Variants in PRKG1 observed in about 807,000 individuals in gnomAD.
The protein encoded by PRKG1 is cGMP-dependent protein kinase 1.
In PRKG1, 35 loss-of-function variants were observed where a neutral mutation model predicts 88.1. The ratio of observed to expected loss-of-function variants is 0.40; its 90% CI spans 0.30 to 0.53. The LOEUF (loss-of-function observed/expected upper bound fraction) is 0.53. PRKG1 is among the 20% of genes least tolerant of loss of function. The pLI is 0.59. For missense variants in PRKG1, 540 were observed against 839.8 expected (o/e 0.64, Z 4.41); for synonymous variants, 303 against 292.5 (o/e 1.04, Z -0.37).
chr10:51,707,896 G>A (rs74132569), intron 3 of PRKG1, among the ~76,000 whole-genome samples: 4,998 of 152,198 alleles, frequency 0.033, 256 homozygotes, highest in African/African-American at 0.11. Context: ...TCTAACTCTG[G>A]ATTCTTGAGT....
At chr10:51,127,070 A>T (rs1280472623) in intron 1 of PRKG1, among the ~76,000 whole-genome samples, 5 of 152,208 alleles carry the variant, frequency 3.3e-5, no homozygotes. Context: ...TTCATGATGA[A>T]AACGCCAAAA....
intron 7 of PRKG1, among the ~76,000 whole-genome samples, chr10:52,122,061 T>A (rs1020967372): frequency 2.6e-5 from 4 of 152,202 alleles, no homozygotes; most frequent in African/African-American, 7.2e-5. Context: ...AGAACAGAGA[T>A]TAACTTGTTA....
Position 51,554,864 on chromosome 10 carries a change from AT to A in PRKG1, c.592+87036del, listed in dbSNP as rs542351059. On this transcript the variant is annotated intron_variant, in intron 3 of 17. Coordinates refer to ENST00000373980, the MANE Select transcript of PRKG1 (RefSeq NM_006258.4). The stretch of plus-strand genomic sequence containing the variant: ...TACTTCACTGTAAAGCCTCAAAAAA[AT>A]TTTTTTTAATATAAGGCTAGAGATT... Among the ~76,000 whole-genome samples, 812 of 151,760 alleles carry A rather than the reference AT, an allele frequency of 5.4e-3. 9 individuals carry two copies. The highest frequency in any genetic ancestry group is 0.019 in the African/African-American group (776 of 41,432).
At chr10:51,327,693 A>G (rs896734013) in intron 2 of PRKG1, among the ~76,000 whole-genome samples, 2 of 152,202 alleles carry the variant, frequency 1.3e-5, no homozygotes, top group South Asian at 4.1e-4. Flanking sequence ...ACAAACCTGT[A>G]CAGTGTGTTA....
At chr10:51,181,124 G>A (rs1003175995) in intron 2 of PRKG1, among the ~76,000 whole-genome samples, 1 of 151,488 alleles carries the variant, frequency 6.6e-6, no homozygotes, top group Non-Finnish European at 1.5e-5. Flanking sequence ...GGCAAATATG[G>A]TCTCATCCCA....
intron 3 of PRKG1, among the ~76,000 whole-genome samples, chr10:51,614,058 C>T (rs919191101): frequency 1.3e-5 from 2 of 151,704 alleles, no homozygotes; most frequent in African/African-American, 4.8e-5. Context: ...CTTTTTTTGT[C>T]TAAATGATTT....
At chr10:51,462,061 A>G (rs1023691189) in intron 2 of PRKG1, among the ~76,000 whole-genome samples, 1 of 152,238 alleles carries the variant, frequency 6.6e-6, no homozygotes, top group Non-Finnish European at 1.5e-5. Flanking sequence ...TTCCTTTTGA[A>G]TCTAGCAACT....
chr10:51,416,645 C>T (rs888857477), intron 2 of PRKG1, among the ~76,000 whole-genome samples: 2 of 152,078 alleles, frequency 1.3e-5, no homozygotes, highest in African/African-American at 4.8e-5. Context: ...TAGCACAGTG[C>T]CAGGCAGATG....
chr10:52,169,026 G>A (rs1838580138), intron 9 of PRKG1, among the ~76,000 whole-genome samples: 1 of 152,174 alleles, frequency 6.6e-6, no homozygotes, highest in Admixed American at 6.5e-5. Context: ...GATAGTAATT[G>A]TAGCTGTGGA....
At chr10:51,381,256 T>TAAAA (rs71029366) in intron 2 of PRKG1, among the ~76,000 whole-genome samples, 16 of 32,052 alleles carry the variant, frequency 5.0e-4, no homozygotes, top group African/African-American at 7.4e-4. Context: ...GCCTCCATCT[T>TAAAA]AAAAAAAAAA....
chr10:51,193,354 A>C (rs1436128223), intron 2 of PRKG1, among the ~76,000 whole-genome samples: 2 of 152,042 alleles, frequency 1.3e-5, no homozygotes, highest in Non-Finnish European at 2.9e-5. Flanking sequence ...TTCAGAGTCA[A>C]GAGTAGGGTC....
At chr10:51,700,403 C>T (rs1301194605) in intron 3 of PRKG1, among the ~76,000 whole-genome samples, 1 of 152,154 alleles carries the variant, frequency 6.6e-6, no homozygotes, top group Non-Finnish European at 1.5e-5. Flanking sequence ...TATTTTATGG[C>T]TTCAGAGTAT....
chr10:52,227,486 G>T (rs1840416332), intron 9 of PRKG1, among the ~76,000 whole-genome samples: 1 of 152,046 alleles, frequency 6.6e-6, no homozygotes, highest in Non-Finnish European at 1.5e-5. Flanking sequence ...CATTTACATT[G>T]TATCTGTTAT....
chr10:51,562,597 C>T (rs895001833), intron 3 of PRKG1, among the ~76,000 whole-genome samples: 1 of 152,072 alleles, frequency 6.6e-6, no homozygotes, highest in Admixed American at 6.6e-5. Flanking sequence ...ACACCTGGGG[C>T]ACCATCTGGA....
At chr10:51,881,342 C>T (rs1841433474) in intron 4 of PRKG1, among the ~76,000 whole-genome samples, 1 of 152,214 alleles carries the variant, frequency 6.6e-6, no homozygotes, top group South Asian at 2.1e-4. Context: ...TGTGCATTGG[C>T]TGTGCTCAGC....
chr10:52,116,777 G>A lies in PRKG1; in HGVS notation c.936-17063G>A, dbSNP rs139437041. Among the ~76,000 whole-genome samples the A allele has an allele frequency of 4.5e-3, 692 of 152,090 alleles. 5 individuals are homozygous for A. The highest frequency in any genetic ancestry group is 7.0e-3 in the Non-Finnish European group (476 of 67,960). On this transcript the variant is annotated intron_variant, in intron 7 of 17. Coordinates refer to ENST00000373980, the MANE Select transcript of PRKG1 (RefSeq NM_006258.4). Reference sequence around the variant, plus strand: ...TCAGACAGTGATCCAGGTTATTTTCGTGTATTTACTTTCTTATTCTTCCCA... The same window carrying A: ...TCAGACAGTGATCCAGGTTATTTTCATGTATTTACTTTCTTATTCTTCCCA...
At chr10:51,521,331 C>A (rs1487152237) in intron 3 of PRKG1, among the ~76,000 whole-genome samples, 1 of 152,140 alleles carries the variant, frequency 6.6e-6, no homozygotes, top group Non-Finnish European at 1.5e-5. Context: ...TTGTCCGACA[C>A]ATAGCAGTTA....
chr10:52,035,378 G>T (rs1399038528), intron 5 of PRKG1, among the ~76,000 whole-genome samples: 1 of 152,158 alleles, frequency 6.6e-6, no homozygotes, highest in Admixed American at 6.5e-5. Context: ...GGAACACTGA[G>T]AAGTTATTTC....
chr10:52,153,899 C>T (rs1331547374), intron 8 of PRKG1, among the ~76,000 whole-genome samples: 1 of 151,988 alleles, frequency 6.6e-6, no homozygotes, highest in Admixed American at 6.6e-5. Context: ...GCATGGACTA[C>T]CATGCCTGAC....
Sources: gnomAD v4.1 joint callset for allele counts (sites outside exome capture counted in the v4.1 genomes callset) on GRCh38, gnomAD v4.1.1 for gene constraint, MANE v1.5 for transcripts, NCBI Gene and HGNC (gene_info 2026-07-23, HGNC 2026-07-21) for gene names.